The following SPATA22 variants were observed in gnomAD, a reference collection of about 807,000 sequenced individuals.
SPATA22 encodes the protein spermatogenesis-associated protein 22.
In SPATA22, 29 loss-of-function variants were observed where a neutral mutation model predicts 47.8. That is an observed-to-expected ratio of 0.61 (90% confidence interval 0.45 to 0.83). The LOEUF is 0.83. Ranked by LOEUF, SPATA22 falls within the 40% of genes least tolerant of loss-of-function variation. The pLI is 0.00. For synonymous variants in SPATA22, 133 were observed against 140.9 expected (o/e 0.94, Z 0.40); for missense variants, 410 against 421.7 (o/e 0.97, Z 0.24).
chr17:3,444,090 C>T (rs2072660898), intron 7 of SPATA22, among the ~76,000 whole-genome samples: 1 of 151,964 alleles, frequency 6.6e-6, no homozygotes, highest in African/African-American at 2.4e-5. Context: ...CTATAAAACG[C>T]AAATTGTAAT....
At position 3,470,699 on chromosome 17, in the gene SPATA22, G is replaced by A. The variant is rs374381567; in HGVS notation, c.-74+983C>T. ...TCGGGAGGCGGAGGTTGCAGTGAGCGGAGATCGTGCCGCTGCACTCCAGCC... is the reference window on the plus strand; with the variant it reads ...TCGGGAGGCGGAGGTTGCAGTGAGCAGAGATCGTGCCGCTGCACTCCAGCC... On this transcript the variant is annotated intron_variant, in intron 1 of 8. Coordinates refer to ENST00000572969, the MANE Select transcript of SPATA22 (RefSeq NM_001170698.2). Among the ~76,000 whole-genome samples the A allele has an allele frequency of 9.3e-5, 14 of 150,594 alleles. No homozygotes were observed. The East Asian group carries it at 2.0e-3, about 21-fold the overall frequency.
intron 5 of SPATA22, among the ~76,000 whole-genome samples, chr17:3,460,787 A>G (rs2073107409): frequency 8.5e-6 from 1 of 117,874 alleles, no homozygotes; most frequent in Non-Finnish European, 1.9e-5. Context: ...GGCAAGATCC[A>G]GTCTCAAAAA....
chr17:3,464,262 G>T (rs1459345801), intron 3 of SPATA22, among the ~76,000 whole-genome samples: 4 of 151,638 alleles, frequency 2.6e-5, no homozygotes, highest in Non-Finnish European at 5.9e-5. Context: ...GATTGCAGAC[G>T]GTGTCTGGTT....
intron 7 of SPATA22, among the ~76,000 whole-genome samples, chr17:3,444,682 G>C (rs1330710820): frequency 2.0e-5 from 3 of 151,986 alleles, no homozygotes; most frequent in Non-Finnish European, 4.4e-5. Context: ...CTTTTCAGTT[G>C]CGTGAATAAT....
intron 1 of SPATA22, among the ~76,000 whole-genome samples, chr17:3,505,150 C>T (rs1208662056): frequency 3.9e-5 from 1 of 25,740 alleles, no homozygotes; most frequent in African/African-American, 5.7e-5. Flanking sequence ...AGCTAAATGA[C>T]GCTACTCTTA....
chr17:3,468,940 A>AAAGACAG (rs1362427031), intron 2 of SPATA22: 3 of 699,954 alleles, frequency 4.3e-6, no homozygotes, highest in Non-Finnish European at 5.3e-6. Flanking sequence ...AAGCTATTAG[A>AAAGACAG]AAGACAGAAG....
rs750655848 is a variant in SPATA22, at chr17:3,490,168, C to A, written c.-73-20770G>T. ...ACACCAAACTGATAACAATAGTTACCGGGGACGGGAGGCAAAACCCAGGCT... is the reference window on the plus strand; with the variant it reads ...ACACCAAACTGATAACAATAGTTACAGGGGACGGGAGGCAAAACCCAGGCT... On this transcript the variant is annotated intron_variant, in intron 1 of 8. Transcript: ENST00000541913. The surrounding 1 kb of genome is among the most constrained non-coding windows in gnomAD (Gnocchi z 4.6). 6.6e-5 allele frequency among the ~76,000 whole-genome samples: 10 copies of A among 152,162 alleles called. No homozygotes were observed. Among genetic ancestry groups the A allele is most frequent in the Non-Finnish European group, 1.3e-4 (9 of 68,008 alleles).
chr17:3,496,188 C>A (rs1305852228), intron 1 of SPATA22, among the ~76,000 whole-genome samples: 1 of 152,132 alleles, frequency 6.6e-6, no homozygotes, highest in African/African-American at 2.4e-5. Context: ...ATTCTGCCAA[C>A]AAATATTTTT....
chr17:3,493,644 T>C (rs1365656844), intron 1 of SPATA22, among the ~76,000 whole-genome samples: 1 of 149,550 alleles, frequency 6.7e-6, no homozygotes, highest in Non-Finnish European at 1.5e-5. Flanking sequence ...CCTGAAAATA[T>C]GCAGTCATAA....
chr17:3,467,812 C>A (rs8075699), intron 2 of SPATA22, among the ~76,000 whole-genome samples: 34,942 of 151,812 alleles, frequency 0.23, 4,278 homozygotes, highest in East Asian at 0.42. Flanking sequence ...CCCATCTCCC[C>A]CCTCATCCCC....
At chr17:3,502,364 T>G (rs930471646) in intron 1 of SPATA22, 27 of 152,260 alleles carry the variant, frequency 1.8e-4, no homozygotes, top group African/African-American at 6.5e-4. Context: ...TTTGTTTTAT[T>G]GTGGTGATCT....
intron 6 of SPATA22, among the ~76,000 whole-genome samples, chr17:3,447,227 G>A (rs925350634): frequency 1.3e-5 from 2 of 152,084 alleles, no homozygotes; most frequent in African/African-American, 4.8e-5. Context: ...AATGAGGACA[G>A]TGGGAACAGC....
intron 3 of SPATA22, among the ~76,000 whole-genome samples, chr17:3,463,150 G>A (rs1049345627): frequency 6.6e-6 from 1 of 152,078 alleles, no homozygotes; most frequent in Non-Finnish European, 1.5e-5. Flanking sequence ...GTGAGACAGA[G>A]ATAGAGAGGA....
Position 3,440,257 on chromosome 17 carries a change from A to G in SPATA22, c.982T>C (p.Cys328Arg). 1.9e-6 allele frequency: 3 copies of G among 1,611,768 alleles called. No homozygotes were observed. In the South Asian group the frequency reaches 3.3e-5, roughly 18 times the overall value. Residue 328 changes from cysteine (C) to arginine (R), a missense_variant, in exon 9 of 9, where the codon TGT becomes CGT. Coordinates refer to ENST00000572969, the MANE Select transcript of SPATA22 (RefSeq NM_001170698.2). ...ACAGACGCCGGTCTGACAGAAACAC[A>G]TTGGAAAATGTTCTTTTTCTGGTCA... ...NYDQKKNIFQ[C>R]VSVRPASVSE...
intron 3 of SPATA22, among the ~76,000 whole-genome samples, chr17:3,465,258 A>G (rs1555536579): frequency 3.0e-5 from 3 of 101,206 alleles, no homozygotes; most frequent in Non-Finnish European, 6.9e-5. Flanking sequence ...CTGCCCGGCC[A>G]CCACCCCGTC....
At chr17:3,460,361 T>C (rs1378090613) in intron 5 of SPATA22, among the ~76,000 whole-genome samples, 3 of 152,194 alleles carry the variant, frequency 2.0e-5, no homozygotes, top group Non-Finnish European at 4.4e-5. Context: ...TTACCTTTTT[T>C]CTAGAATTAT....
At chr17:3,500,853 C>T (rs1484509448) in intron 1 of SPATA22, 1 of 152,066 alleles carries the variant, frequency 6.6e-6, no homozygotes, top group African/African-American at 2.4e-5. Context: ...TGTGTCTGAG[C>T]TCTATAAATG....
intron 1 of SPATA22, among the ~76,000 whole-genome samples, chr17:3,495,733 T>A (rs1265047601): frequency 3.3e-5 from 5 of 152,136 alleles, no homozygotes; most frequent in Non-Finnish European, 5.9e-5. Flanking sequence ...CACACCCGGC[T>A]AACTTTTGTA....
chr17:3,479,432 G>A lies in SPATA22; in HGVS notation c.-73-10034C>T, dbSNP rs548672353. Among the ~76,000 whole-genome samples the A allele has an allele frequency of 2.0e-4, 31 of 152,304 alleles. 1 individual carries two copies. In the South Asian group the frequency reaches 5.6e-3, roughly 28 times the overall value. ...ATTAGGCTTGGTTTGCATACAATAGGAACCTAAGAATAGTGGTTTAAACAA... is the reference window on the plus strand; with the variant it reads ...ATTAGGCTTGGTTTGCATACAATAGAAACCTAAGAATAGTGGTTTAAACAA... On this transcript the variant is annotated intron_variant, in intron 1 of 8. Transcript: ENST00000541913.
Sources: gnomAD v4.1 joint callset for allele counts (sites outside exome capture counted in the v4.1 genomes callset) on GRCh38, gnomAD v4.1.1 for gene constraint, Gnocchi (gnomAD v3.1) non-coding constraint, MANE v1.5 for transcripts, NCBI Gene and HGNC (gene_info 2026-07-23, HGNC 2026-07-21) for gene names.